Variants in PTPRK observed in about 807,000 individuals in gnomAD.
The protein encoded by PTPRK is receptor-type tyrosine-protein phosphatase kappa.
PTPRK carries 75 observed loss-of-function variants against 178.0 expected under a neutral mutation model. That is an observed-to-expected ratio of 0.42 (90% CI 0.35 to 0.51). The LOEUF (loss-of-function observed/expected upper bound fraction) is 0.51. PTPRK is among the 20% of genes least tolerant of loss of function. The pLI is 0.02. For synonymous variants in PTPRK, 637 were observed against 620.6 expected, an observed-to-expected ratio of 1.03 and a Z score of -0.39; for missense variants, 1,441 against 1,797.8, an observed-to-expected ratio of 0.80 and a Z score of 3.59.
At chr6:128,075,377 T>TCTCCAGCTTCATCCCTTTGCTCC (rs1783612695) in intron 11 of PTPRK, among the ~76,000 whole-genome samples, 1 of 20,166 alleles carries the variant, frequency 5.0e-5, no homozygotes, top group Non-Finnish European at 2.1e-4. Flanking sequence ...CTTTGCTCCC[T>TCTCCAGCTTCATCCCTTTGCTCC]GTTTTGTCTC....
rs561651449 is a variant in PTPRK, at chr6:128,472,430, C to A, written c.100+47829G>T. Among the ~76,000 whole-genome samples the A allele has an allele frequency of 2.7e-5, 4 of 147,044 alleles. No homozygotes were observed. The South Asian group carries it at 9.0e-4, about 33-fold the overall frequency. ...CCCTGAATTTTTGACACCCCCCCCC[C>A]CTTTAGCTTAGGGAACTCCCTGAAT... On this transcript the variant is annotated intron_variant, in intron 1 of 29. Transcript: ENST00000368226.
intron 1 of PTPRK, among the ~76,000 whole-genome samples, chr6:128,445,204 A>ATG (rs1846800494): frequency 1.5e-5 from 2 of 132,478 alleles, no homozygotes; most frequent in African/African-American, 6.0e-5. Context: ...TTTTATTTAT[A>ATG]TATATATATA....
chr6:128,378,032 T>C (rs968779099), intron 2 of PTPRK, among the ~76,000 whole-genome samples: 3 of 152,166 alleles, frequency 2.0e-5, no homozygotes, highest in African/African-American at 7.2e-5. Context: ...GGTTTGCTTT[T>C]TAGACTGTGT....
chr6:128,502,253 C>T (rs530888610), intron 1 of PTPRK, among the ~76,000 whole-genome samples: 1 of 152,186 alleles, frequency 6.6e-6, no homozygotes, highest in East Asian at 1.9e-4. Flanking sequence ...ATAGTCATAT[C>T]AGCACCTGAG....
At chr6:128,227,453 GA>G (rs1400507029) in intron 5 of PTPRK, among the ~76,000 whole-genome samples, 2 of 152,140 alleles carry the variant, frequency 1.3e-5, no homozygotes, top group Non-Finnish European at 2.9e-5. Context: ...CAAAAGTGGG[GA>G]AATCCCAGAA....
Position 128,230,499 on chromosome 6 carries a change from C to G in PTPRK, c.693+9536G>C, listed in dbSNP as rs544270248. Among the ~76,000 whole-genome samples the G allele has an allele frequency of 1.6e-4, 25 of 152,260 alleles. No homozygotes were observed. In the South Asian group the frequency reaches 5.2e-3, roughly 32 times the overall value. ...CGGCACCTCTGGGATGGCTGGCAAG[C>G]TCTCTTTCTTGTCCTGTGTGATGTT... On this transcript the variant is annotated intron_variant, in intron 5 of 29. Transcript: ENST00000368226.
intron 13 of PTPRK, among the ~76,000 whole-genome samples, chr6:128,012,880 A>T (rs967495079): frequency 6.6e-6 from 1 of 151,310 alleles, no homozygotes; most frequent in African/African-American, 2.4e-5. Context: ...CATTATTGTC[A>T]CTCAAATTCT....
At chr6:128,402,979 G>A (rs1205093336) in intron 1 of PTPRK, among the ~76,000 whole-genome samples, 1 of 152,042 alleles carries the variant, frequency 6.6e-6, no homozygotes, top group Non-Finnish European at 1.5e-5. Flanking sequence ...ATATTATTTA[G>A]GTCTAACTCC....
intron 18 of PTPRK, among the ~76,000 whole-genome samples, chr6:127,993,851 T>C (rs1441520042): frequency 6.6e-6 from 1 of 151,572 alleles, no homozygotes; most frequent in Non-Finnish European, 1.5e-5. Flanking sequence ...CAAAATACAC[T>C]GGGGTCTTAA....
At chr6:128,279,556 C>T (rs946389126) in intron 3 of PTPRK, among the ~76,000 whole-genome samples, 1 of 152,142 alleles carries the variant, frequency 6.6e-6, no homozygotes, top group Non-Finnish European at 1.5e-5. Flanking sequence ...TAGACATATA[C>T]TCCAGACGTT....
intron 15 of PTPRK, among the ~76,000 whole-genome samples, chr6:127,999,537 G>C (rs994951823): frequency 5.3e-5 from 8 of 151,914 alleles, no homozygotes; most frequent in African/African-American, 1.9e-4. Context: ...TGTTTTTATT[G>C]CAAATGTATT....
intron 25 of PTPRK, among the ~76,000 whole-genome samples, chr6:127,979,996 G>C (rs889203618): frequency 1.3e-5 from 2 of 152,068 alleles, no homozygotes; most frequent in South Asian, 2.1e-4. Context: ...GGCCAATGTG[G>C]TGAAATCTCA....
intron 7 of PTPRK, among the ~76,000 whole-genome samples, chr6:128,174,379 G>T (rs531908896): frequency 6.6e-6 from 1 of 151,876 alleles, no homozygotes; most frequent in African/African-American, 2.4e-5. Context: ...GTTGCCACTA[G>T]CGTAAAAATT....
intron 3 of PTPRK, among the ~76,000 whole-genome samples, chr6:128,253,060 C>G (rs143133808): frequency 2.9e-4 from 44 of 152,278 alleles, no homozygotes; most frequent in Non-Finnish European, 5.6e-4. Context: ...CCCCTGCTCT[C>G]TTCTGAGGCT....
intron 3 of PTPRK, among the ~76,000 whole-genome samples, chr6:128,289,937 A>T (rs967925936): frequency 6.6e-6 from 1 of 152,168 alleles, no homozygotes; most frequent in Non-Finnish European, 1.5e-5. Flanking sequence ...GTGGCAAAAA[A>T]TGGCACTACA....
chr6:128,138,808 G>T (rs567846332), intron 7 of PTPRK, among the ~76,000 whole-genome samples: 1 of 152,166 alleles, frequency 6.6e-6, no homozygotes, highest in Non-Finnish European at 1.5e-5. Flanking sequence ...CAGAATAGGA[G>T]ATAAAGAGTC....
intron 2 of PTPRK, among the ~76,000 whole-genome samples, chr6:128,354,519 G>C (rs894853265): frequency 6.6e-6 from 1 of 152,094 alleles, no homozygotes; most frequent in Non-Finnish European, 1.5e-5. Context: ...ACAGGCGTGA[G>C]CCACCACGCC....
intron 7 of PTPRK, among the ~76,000 whole-genome samples, chr6:128,130,099 C>T (rs1014762532): frequency 1.3e-5 from 2 of 152,114 alleles, no homozygotes; most frequent in Admixed American, 1.3e-4. Context: ...AGAATGTTTT[C>T]AGATGACAAT....
In PTPRK at chr6:128,020,020, A is replaced by T. The variant is rs181648903; in HGVS notation, c.2195-10752T>A. ...TGGAGTTGTTTCATTGACAAATAAG[A>T]CTTTTTTGCCCACCTGAAATAATAA... On this transcript the variant is annotated intron_variant, in intron 13 of 29. Transcript: ENST00000368226. Among the ~76,000 whole-genome samples, 426 of 152,298 alleles carry T rather than the reference A, an allele frequency of 2.8e-3. 14 individuals are homozygous for T. Among genetic ancestry groups the T allele is most frequent in the Admixed American group, 0.026 (400 of 15,280 alleles).
Sources: allele counts gnomAD v4.1 joint callset (sites outside exome capture counted in the v4.1 genomes callset), GRCh38; gene constraint gnomAD v4.1.1; transcripts MANE v1.5; gene names NCBI Gene and HGNC (gene_info 2026-07-23, HGNC 2026-07-21).